Variants in ANK3 observed in about 807,000 individuals in gnomAD.
The protein encoded by ANK3 is ankyrin-3.
ANK3 carries 57 observed loss-of-function variants against 370.9 expected under a neutral mutation model. That is an observed-to-expected ratio of 0.15 (90% CI 0.12 to 0.19). ANK3 has a LOEUF of 0.19. Ranked by LOEUF, ANK3 falls within the 10% of genes least tolerant of loss-of-function variation. The pLI is 1.00. For missense variants in ANK3, 4,439 were observed against 5,302.1 expected, an observed-to-expected ratio of 0.84 and a Z score of 5.06; for synonymous variants, 1,929 against 1,946.3, an observed-to-expected ratio of 0.99 and a Z score of 0.23.
intron 29 of ANK3, 66 bp from the exon 30 acceptor site, chr10:60,086,950 TTAC>T: frequency 5.5e-6 from 6 of 1,085,314 alleles, no homozygotes; most frequent in Non-Finnish European, 7.3e-6. Context: ...ATCATGAAGT[TTAC>T]TTTTTAAGTG....
chr10:60,280,531 C>T (rs992886998), intron 1 of ANK3, among the ~76,000 whole-genome samples: 23 of 152,146 alleles, frequency 1.5e-4, no homozygotes, highest in African/African-American at 5.3e-4. Context: ...TGAACTACTG[C>T]TAAACTCTAA....
intron 16 of ANK3, among the ~76,000 whole-genome samples, chr10:60,189,080 T>A (rs2096413724): frequency 6.6e-6 from 1 of 152,248 alleles, no homozygotes. Context: ...ATTGATATAA[T>A]ATTCAGGTTA....
At chr10:60,382,790 C>A (rs2061707405) in intron 1 of ANK3, among the ~76,000 whole-genome samples, 1 of 72,214 alleles carries the variant, frequency 1.4e-5, no homozygotes, top group African/African-American at 5.0e-5. Context: ...TTAACCTATA[C>A]CTAAATCTAT....
chr10:60,133,716 T>C (rs771155472), intron 25 of ANK3, among the ~76,000 whole-genome samples: 10 of 151,994 alleles, frequency 6.6e-5, no homozygotes, highest in Non-Finnish European at 1.5e-4. Flanking sequence ...AGGTCAGGAG[T>C]TCTAGACCAG....
At position 60,581,285 on chromosome 10, in the gene ANK3, G is replaced by A. The variant is rs116245701; in HGVS notation, c.96+33901C>T. Among the ~76,000 whole-genome samples the A allele has an allele frequency of 5.6e-3, 856 of 152,138 alleles. 10 individuals carry two copies. Among genetic ancestry groups the A allele is most frequent in the African/African-American group, 0.02 (810 of 41,492 alleles). On this transcript the variant is annotated intron_variant, in intron 2 of 43. Coordinates refer to the ANK3 transcript ENST00000373827. ...TAGAAACCTCAGCAGGCCATTTCTC[G>A]CACACCACCAAAATATAAAGGTCGT...
intron 2 of ANK3, among the ~76,000 whole-genome samples, chr10:60,599,119 C>A (rs1386975431): frequency 6.6e-6 from 1 of 151,940 alleles, no homozygotes; most frequent in Admixed American, 6.6e-5. Flanking sequence ...TCCATAGAAA[C>A]AAGGTCTCAC....
intron 2 of ANK3, among the ~76,000 whole-genome samples, chr10:60,404,700 T>C (rs546417862): frequency 6.6e-6 from 1 of 152,182 alleles, no homozygotes; most frequent in South Asian, 2.1e-4. Context: ...ATATAGTAGT[T>C]ACAAAATTTA....
chr10:60,617,805 G>A (rs2078285181), intron 1 of ANK3, among the ~76,000 whole-genome samples: 2 of 152,130 alleles, frequency 1.3e-5, no homozygotes, highest in African/African-American at 2.4e-5. Flanking sequence ...TTTCATTACA[G>A]TTATTCTTCA....
chr10:60,121,378 CAAAAA>C (rs201473806), intron 25 of ANK3, among the ~76,000 whole-genome samples: 11 of 135,502 alleles, frequency 8.1e-5, no homozygotes, highest in Admixed American at 1.5e-4. Flanking sequence ...TAAAATGCAC[CAAAAA>C]AAAAAAAAAA....
chr10:60,591,866 A>G (rs1052690874), intron 2 of ANK3, among the ~76,000 whole-genome samples: 6 of 152,180 alleles, frequency 3.9e-5, no homozygotes, highest in Admixed American at 6.6e-5. Flanking sequence ...TGTGTGATCT[A>G]AAAATCAAGT....
rs111619743 is a variant in ANK3 at position 60,105,588 on chromosome 10, T to C, written c.3328+317A>G. Among the ~76,000 whole-genome samples the C allele has an allele frequency of 2.0e-5, 3 of 152,356 alleles. 1 individual carries two copies. Among genetic ancestry groups the C allele is most frequent in the African/African-American group, 7.2e-5 (3 of 41,594 alleles). ...TTCAAAATGCTCAGCATGCCTTGCATACTTTCCATTATTATTTCACCCTCT... is the reference window on the plus strand; with the variant it reads ...TTCAAAATGCTCAGCATGCCTTGCACACTTTCCATTATTATTTCACCCTCT... On this transcript the variant is annotated intron_variant, in intron 28 of 43. Transcript: ENST00000280772.
intron 7 of ANK3, among the ~76,000 whole-genome samples, chr10:60,240,297 TATATA>T (rs1290756320): frequency 9.7e-6 from 1 of 102,948 alleles, no homozygotes; most frequent in East Asian, 3.0e-4. Context: ...TATATATATA[TATATA>T]TATATTTTTT....
chr10:60,083,419 A>T, intron 33 of ANK3, 73 bp downstream of exon 33: 1 of 1,481,190 alleles, frequency 6.8e-7, no homozygotes, highest in Admixed American at 2.1e-5. Flanking sequence ...TAAATCATTA[A>T]AACCTTTTAT....
chr10:60,657,913 A>G (rs1296394354), intron 1 of ANK3, among the ~76,000 whole-genome samples: 1 of 152,032 alleles, frequency 6.6e-6, no homozygotes, highest in African/African-American at 2.4e-5. Flanking sequence ...AGGTACATAT[A>G]CATTTATAAA....
upstream of ANK3, among the ~76,000 whole-genome samples, chr10:60,391,348 T>C (rs960342821): frequency 1.3e-5 from 2 of 152,100 alleles, no homozygotes; most frequent in African/African-American, 4.8e-5. Context: ...CATACAAAAA[T>C]GGAGAAAAAT....
chr10:60,728,700 T>G (rs1412790804), intron 1 of ANK3, among the ~76,000 whole-genome samples: 2 of 152,198 alleles, frequency 1.3e-5, no homozygotes, highest in African/African-American at 4.8e-5. Context: ...GTTACAGAAC[T>G]AGTTAGTTGG....
chr10:60,146,861 T>C (rs1464566771), intron 23 of ANK3, among the ~76,000 whole-genome samples: 1 of 152,150 alleles, frequency 6.6e-6, no homozygotes, highest in Non-Finnish European at 1.5e-5. Context: ...ACATTACTTT[T>C]CCCTTGATCT....
intron 1 of ANK3, among the ~76,000 whole-genome samples, chr10:60,692,591 T>C (rs2079371911): frequency 6.6e-6 from 1 of 152,218 alleles, no homozygotes; most frequent in Non-Finnish European, 1.5e-5. Context: ...TTTTCTACTC[T>C]GAATTTTTCT....
intron 2 of ANK3, chr10:60,572,674 C>A: frequency 7.0e-7 from 1 of 1,432,098 alleles, no homozygotes; most frequent in Non-Finnish European, 9.1e-7. Context: ...AAACCCAGCC[C>A]CTGCTGCTGT....
Sources: allele counts gnomAD v4.1 joint callset (sites outside exome capture counted in the v4.1 genomes callset), GRCh38; gene constraint gnomAD v4.1.1; transcripts MANE v1.5; gene names NCBI Gene and HGNC (gene_info 2026-07-23, HGNC 2026-07-21).